FAAH2: variants seen among roughly 807,000 people sequenced by gnomAD.
FAAH2 encodes the protein fatty acid amide hydrolase 2, also known as fatty-acid amide hydrolase 2.
FAAH2 carries 60 observed loss-of-function variants against 36.9 expected under a neutral mutation model. The ratio of observed to expected loss-of-function variants is 1.63; its 90% CI spans 1.32 to 2.02. FAAH2 has a LOEUF of 2.02. Among genes scored for constraint, FAAH2 ranks in the 30% most tolerant of loss-of-function variants. The pLI, the probability that FAAH2 is intolerant of heterozygous loss-of-function variation, is 0.00. For missense variants in FAAH2, 689 were observed against 397.5 expected, an observed-to-expected ratio of 1.73 and a Z score of -6.23; for synonymous variants, 214 against 143.8, an observed-to-expected ratio of 1.49 and a Z score of -3.49.
chrX:57,156,499 G>A, the FAAH2 span, among the ~76,000 whole-genome samples: 10 of 111,433 alleles, frequency 9.0e-5, no homozygotes, highest in Non-Finnish European at 1.9e-4. Flanking sequence ...TTTGCAGTCT[G>A]GCCTTGTTCA....
At chrX:57,154,521 C>T in the FAAH2 span, among the ~76,000 whole-genome samples, 1 of 110,003 alleles carries the variant, frequency 9.1e-6, no homozygotes, top group African/African-American at 3.3e-5. Flanking sequence ...GATCTGCCCA[C>T]CTTGGCCTCC....
At chrX:57,468,035 G>A (rs991634204) in intron 10 of FAAH2, among the ~76,000 whole-genome samples, 2 of 112,104 alleles carry the variant, frequency 1.8e-5, no homozygotes, top group African/African-American at 3.2e-5. Context: ...GCAGCTGATG[G>A]TCTACGCTGT....
At chrX:57,318,035 C>T (rs777589282) in intron 3 of FAAH2, among the ~76,000 whole-genome samples, 1 of 111,711 alleles carries the variant, frequency 9.0e-6, no homozygotes, top group Non-Finnish European at 1.9e-5. Flanking sequence ...AAATTTATAG[C>T]ACTAAATGCC....
At chrX:57,173,600 T>A in the FAAH2 span, among the ~76,000 whole-genome samples, 2 of 112,065 alleles carry the variant, frequency 1.8e-5, no homozygotes, top group Non-Finnish European at 3.8e-5. Flanking sequence ...GGCTAAAACT[T>A]CTAGCATTAA....
the FAAH2 span, among the ~76,000 whole-genome samples, chrX:57,269,289 C>A: frequency 9.0e-5 from 10 of 111,326 alleles, no homozygotes; most frequent in Admixed American, 7.6e-4. Context: ...TATTTTAACA[C>A]CCCATTGACA....
chrX:57,341,542 C>T, intron 5 of FAAH2, 152 bp downstream of exon 5: 1 of 644,962 alleles, frequency 1.6e-6, no homozygotes, highest in Non-Finnish European at 2.2e-6. Flanking sequence ...TATTGAGCAC[C>T]AACTCTGGGA....
the FAAH2 span, among the ~76,000 whole-genome samples, chrX:57,141,815 G>A: frequency 9.1e-6 from 1 of 109,836 alleles, no homozygotes; most frequent in Non-Finnish European, 1.9e-5. Flanking sequence ...TAAGTTCTAG[G>A]ATACAACTGA....
intron 7 of FAAH2, among the ~76,000 whole-genome samples, chrX:57,419,132 G>T (rs931833899): frequency 3.7e-5 from 4 of 109,176 alleles, no homozygotes; most frequent in Non-Finnish European, 7.6e-5. Context: ...GGACATTTGG[G>T]TTGGTTCCAA....
intron 7 of FAAH2, among the ~76,000 whole-genome samples, chrX:57,421,230 G>A (rs1018351134): frequency 1.8e-5 from 2 of 111,812 alleles, no homozygotes. Flanking sequence ...CGGATCACAA[G>A]ATCAGGAGTC....
chrX:57,266,207 G>T, the FAAH2 span, among the ~76,000 whole-genome samples: 2 of 111,762 alleles, frequency 1.8e-5, no homozygotes, highest in African/African-American at 6.5e-5. Context: ...GGTGTGTTCG[G>T]GCTGGCAACA....
intron 5 of FAAH2, among the ~76,000 whole-genome samples, chrX:57,373,399 T>TA (rs886843691): frequency 3.6e-5 from 4 of 110,124 alleles, no homozygotes; most frequent in South Asian, 3.9e-4. Context: ...CTTTTTTTTT[T>TA]TTATTTGATT....
intron 7 of FAAH2, among the ~76,000 whole-genome samples, chrX:57,401,693 G>A (rs931597569): frequency 7.2e-5 from 8 of 111,237 alleles, no homozygotes; most frequent in African/African-American, 2.6e-4. Flanking sequence ...GGTAGGGAAA[G>A]GAGGTGGAAT....
At chrX:57,193,662 C>T in the FAAH2 span, among the ~76,000 whole-genome samples, 1 of 111,825 alleles carries the variant, frequency 8.9e-6, no homozygotes, top group African/African-American at 3.2e-5. Flanking sequence ...ATTTCTCAAC[C>T]TGGACAACAC....
chrX:57,464,184 C>A (rs759534506), intron 10 of FAAH2, among the ~76,000 whole-genome samples: 2 of 111,520 alleles, frequency 1.8e-5, no homozygotes, highest in Non-Finnish European at 3.8e-5. Flanking sequence ...CATGTTTTTA[C>A]TCAAAAGCGG....
the FAAH2 span, among the ~76,000 whole-genome samples, chrX:57,266,798 A>G: frequency 8.9e-6 from 1 of 112,391 alleles, no homozygotes; most frequent in East Asian, 2.8e-4. Flanking sequence ...AAAGTGGTGG[A>G]ACAGCAAGCC....
At chrX:57,441,046 T>C (rs1172952220) in intron 8 of FAAH2, among the ~76,000 whole-genome samples, 1 of 111,761 alleles carries the variant, frequency 8.9e-6, no homozygotes, top group East Asian at 2.8e-4. Flanking sequence ...TCATTAGAGA[T>C]ACTGGTCTAA....
At chrX:57,121,653 T>C in the FAAH2 span, 1 of 112,411 alleles carries the variant, frequency 8.9e-6, no homozygotes, top group African/African-American at 3.2e-5. Flanking sequence ...ACACAGCCTG[T>C]AGCCCCGGCG....
chrX:57,480,704 G>T (rs776401708), intron 10 of FAAH2, among the ~76,000 whole-genome samples: 3 of 110,847 alleles, frequency 2.7e-5, no homozygotes, highest in Non-Finnish European at 5.7e-5. Context: ...AGAATCTGGC[G>T]ATTAGGTGTC....
intron 9 of FAAH2, among the ~76,000 whole-genome samples, chrX:57,447,546 T>C (rs1466204168): frequency 1.8e-5 from 2 of 112,292 alleles, no homozygotes; most frequent in African/African-American, 6.5e-5. Context: ...TCATACATCC[T>C]CTAAAATCTG....
Sources: allele counts gnomAD v4.1 joint callset (sites outside exome capture counted in the v4.1 genomes callset), GRCh38; gene constraint gnomAD v4.1.1; transcripts MANE v1.5; gene names NCBI Gene and HGNC (gene_info 2026-07-23, HGNC 2026-07-21).